The following ST7 variants were observed in gnomAD, a reference collection of about 807,000 sequenced individuals.
ST7 encodes the protein suppressor of tumorigenicity 7 protein.
Under a neutral mutation model 78.7 loss-of-function variants are expected in ST7, and 28 were observed. The observed-to-expected ratio is 0.36, with a 90% CI of 0.26 to 0.49. The LOEUF (loss-of-function observed/expected upper bound fraction) is 0.49. ST7 is among the 20% of genes least tolerant of loss of function. The pLI is 0.99. For synonymous variants in ST7, 247 were observed against 249.6 expected (o/e 0.99, Z 0.10); for missense variants, 418 against 696.0 (o/e 0.60, Z 4.49).
chr7:117,229,771 A>C lies in ST7; in HGVS notation c.1648A>C (p.Thr550Pro), dbSNP rs753013317. The C allele has an allele frequency of 4.3e-6, 7 of 1,611,832 alleles. No homozygotes were observed. Residue 550 changes from threonine (T) to proline (P), a missense_variant, in exon 16 of 16, where the codon ACT becomes CCT. Coordinates refer to ENST00000323984, the MANE Select transcript of ST7 (RefSeq NM_001369598.1). ...MGVFAKAFLS[T>P]LFAPLNFVME... ...TCTGGTTTCTTTGCAGTTCCTCAGC[A>C]CTTTGTTTGCCCCCTTAAACTTTGT...
intron 13 of ST7, among the ~76,000 whole-genome samples, chr7:117,215,901 G>T (rs1425785658): frequency 6.6e-6 from 1 of 151,864 alleles, no homozygotes; most frequent in Non-Finnish European, 1.5e-5. Context: ...TTCAAACTCG[G>T]TTCCCTCTGT....
intron 12 of ST7, among the ~76,000 whole-genome samples, chr7:117,204,787 G>A (rs186194750): frequency 2.0e-4 from 30 of 152,178 alleles, no homozygotes; most frequent in African/African-American, 7.2e-4. Context: ...GCTATCTCCA[G>A]TTATCTTTTG....
At chr7:117,200,816 CTCTT>C (rs1365573534) in intron 12 of ST7, among the ~76,000 whole-genome samples, 2 of 77,954 alleles carry the variant, frequency 2.6e-5, no homozygotes, top group Non-Finnish European at 4.8e-5. Context: ...TAAAAATGTA[CTCTT>C]TTTTTTTTTT....
rs537358432 is a variant in ST7, at chr7:117,200,988, A to C, written c.1255-8799A>C. Among the ~76,000 whole-genome samples the C allele has an allele frequency of 2.6e-5, 4 of 152,270 alleles. No individual in the cohort carries two copies. The East Asian group carries it at 7.7e-4, about 29-fold the overall frequency. On this transcript the variant is annotated intron_variant, in intron 12 of 15. Transcript: ENST00000323984. ...AGTGATGGAAATTCTATTTCATGCA[A>C]ACACTAAAGCAGTCCTCCCTTTATA...
intron 1 of ST7, chr7:116,966,079 A>G (rs1235900971): frequency 2.2e-6 from 1 of 461,184 alleles, no homozygotes; most frequent in Admixed American, 2.6e-5. Flanking sequence ...CCTAGAAATA[A>G]AATATAAGGT....
chr7:117,059,891 G>A (rs189952924), intron 1 of ST7, among the ~76,000 whole-genome samples: 3 of 152,038 alleles, frequency 2.0e-5, no homozygotes, highest in East Asian at 1.9e-4. Context: ...GCTGAGGTGG[G>A]AGGATCGCTT....
Position 117,170,902 on chromosome 7 carries a change from A to T in ST7, c.1004A>T (p.His335Leu). The T allele has an allele frequency of 6.2e-7, 1 of 1,612,482 alleles. No individual in the cohort carries two copies. Among genetic ancestry groups the T allele is most frequent in the Non-Finnish European group, 8.5e-7 (1 of 1,179,052 alleles). The change falls in exon 10 of 16, where the codon CAT becomes CTT. Residue 335 changes from histidine (H) to leucine (L), a missense_variant. Physicochemically the swap from His to Leu is moderately conservative, Grantham distance 99. This residue lies in a region of ST7 where 288 missense variants were observed against 537.1 expected (regional missense o/e 0.54). Transcript: ENST00000323984. ...EFPLLSMFNIHENLLEALLEL... is the reference protein window; with the variant it reads ...EFPLLSMFNILENLLEALLEL... ...CCCCTTCTGAGTATGTTCAATATCC[A>T]TGAAAACCTTTTAGAAGCCCTTCTG...
intron 15 of ST7, among the ~76,000 whole-genome samples, chr7:117,229,270 G>A (rs1793639585): frequency 6.6e-6 from 1 of 152,234 alleles, no homozygotes; most frequent in Admixed American, 6.5e-5. Flanking sequence ...GCCCACGCTG[G>A]TGTCTGGGAG....
At chr7:117,197,993 A>C (rs958933484) in intron 12 of ST7, among the ~76,000 whole-genome samples, 1 of 152,228 alleles carries the variant, frequency 6.6e-6, no homozygotes, top group African/African-American at 2.4e-5. Flanking sequence ...TCAAGACTGC[A>C]GTGAGCCATG....
chr7:117,204,230 T>A (rs912444100), intron 12 of ST7, among the ~76,000 whole-genome samples: 1 of 152,222 alleles, frequency 6.6e-6, no homozygotes, highest in Admixed American at 6.5e-5. Context: ...TACAGTAATA[T>A]GAACATTTAA....
chr7:117,179,240 G>A (rs995696357), intron 10 of ST7, among the ~76,000 whole-genome samples: 1 of 152,176 alleles, frequency 6.6e-6, no homozygotes, highest in Admixed American at 6.5e-5. Context: ...GTAAATGTTT[G>A]CAAAATGAAG....
intron 1 of ST7, among the ~76,000 whole-genome samples, chr7:117,056,948 C>T (rs1435633325): frequency 1.3e-5 from 2 of 152,130 alleles, no homozygotes; most frequent in East Asian, 3.9e-4. Flanking sequence ...CAAGGTCACC[C>T]TGAGGGAGGA....
At chr7:117,026,540 T>C (rs566828010) in intron 1 of ST7, among the ~76,000 whole-genome samples, 27 of 152,366 alleles carry the variant, frequency 1.8e-4, no homozygotes, top group Non-Finnish European at 3.4e-4. Flanking sequence ...CAGATACTTA[T>C]GAGCAAAAAA....
chr7:117,160,804 A>G (rs751695872), intron 9 of ST7, among the ~76,000 whole-genome samples: 7 of 152,082 alleles, frequency 4.6e-5, no homozygotes, highest in Non-Finnish European at 8.8e-5. Flanking sequence ...CCTAATCCCA[A>G]CCCCAACACT....
At chr7:117,090,589 T>G (rs1800537316) in intron 1 of ST7, 1 of 154,178 alleles carries the variant, frequency 6.5e-6, no homozygotes, top group Non-Finnish European at 1.5e-5. Context: ...GAAGGTTTGC[T>G]TTGTGTACAA....
chr7:117,220,076 T>A (rs899873625), intron 14 of ST7, among the ~76,000 whole-genome samples: 6 of 152,214 alleles, frequency 3.9e-5, no homozygotes, highest in African/African-American at 4.8e-5. Flanking sequence ...TATATCAATA[T>A]CTTATAGCTG....
intron 1 of ST7, among the ~76,000 whole-genome samples, chr7:116,967,887 T>C (rs1453967721): frequency 6.6e-6 from 1 of 152,248 alleles, no homozygotes; most frequent in Non-Finnish European, 1.5e-5. Context: ...TCTTTTTAAA[T>C]GCATCTGTTC....
intron 1 of ST7, among the ~76,000 whole-genome samples, chr7:116,995,760 G>A (rs1335219389): frequency 6.6e-6 from 1 of 152,198 alleles, no homozygotes; most frequent in Non-Finnish European, 1.5e-5. Flanking sequence ...TTGTTGCTGT[G>A]AGGGAATGTG....
chr7:117,227,941 G>A (rs1489475369), intron 15 of ST7, among the ~76,000 whole-genome samples: 1 of 152,200 alleles, frequency 6.6e-6, no homozygotes, highest in Non-Finnish European at 1.5e-5. Context: ...CTTAACTGCA[G>A]ATCCAACCTG....
Sources: gnomAD v4.1 joint callset for allele counts (sites outside exome capture counted in the v4.1 genomes callset) on GRCh38, gnomAD v4.1.1 for gene constraint, gnomAD v4.1.1 regional missense constraint, MANE v1.5 for transcripts, NCBI Gene and HGNC (gene_info 2026-07-23, HGNC 2026-07-21) for gene names.